The following CLVS1 variants were observed in gnomAD, a reference collection of about 807,000 sequenced individuals.
The protein encoded by CLVS1 is clavesin-1.
CLVS1 carries 10 observed loss-of-function variants against 33.1 expected under a neutral mutation model. The observed-to-expected ratio is 0.30, with a 90% CI of 0.19 to 0.51. The LOEUF (loss-of-function observed/expected upper bound fraction) is 0.51, where lower values mean the gene tolerates loss of function less well. CLVS1 is among the 20% of genes least tolerant of loss of function. The probability of loss-of-function intolerance (pLI) is 0.97; values close to 1 mark genes in which losing one functional copy is unlikely to be tolerated. For missense variants in CLVS1, 343 were observed against 433.4 expected (o/e 0.79, Z 1.85); for synonymous variants, 163 against 166.1 (o/e 0.98, Z 0.14).
intron 2 of CLVS1, among the ~76,000 whole-genome samples, chr8:61,161,731 A>G (rs942096278): frequency 2.0e-5 from 3 of 152,274 alleles, no homozygotes; most frequent in Admixed American, 2.0e-4. Context: ...GCATAGCATC[A>G]TGACTGTTGT....
At chr8:61,012,139 G>A in the CLVS1 span, among the ~76,000 whole-genome samples, 65 of 152,300 alleles carry the variant, frequency 4.3e-4, no homozygotes, top group Admixed American at 1.2e-3. Context: ...GAGCAAAGAT[G>A]TCCAGCTTTC....
At chr8:61,238,886 A>C (rs11985918) in intron 2 of CLVS1, among the ~76,000 whole-genome samples, 8,917 of 152,290 alleles carry the variant, frequency 0.059, 436 homozygotes, top group African/African-American at 0.13. Flanking sequence ...TATTTCTGTA[A>C]AGTAAACTCC....
Position 61,499,610 on chromosome 8 carries a change from C to A in CLVS1, c.*68C>A. ...GTATCAGCCACCCAGGAAGCACATG[C>A]ACAACTGACCCATGCAGACACGTGT... On this transcript the variant is annotated 3_prime_UTR_variant, in exon 6 of 6. Transcript: ENST00000325897. The A allele has an allele frequency of 1.8e-6, 2 of 1,120,156 alleles. No homozygotes were observed. The highest frequency in any genetic ancestry group is 2.7e-6 in the Non-Finnish European group (2 of 734,784). 69.4% of individuals were successfully genotyped at this position (1,120,156 alleles called of 1,614,324 possible).
In CLVS1 at chr8:61,246,721, G is replaced by A. The variant is rs952558139; in HGVS notation, c.-151-52956G>A. On this transcript the variant is annotated intron_variant, in intron 2 of 2. Transcript: ENST00000522621. ...TGGGTTGAAAACTCTTCCAGTTTTT[G>A]TTTGTCAGAAAATGTTTTCATTTTT... is the stretch of plus-strand genomic sequence containing the variant. Among the ~76,000 whole-genome samples, 37 of 151,908 alleles carry A rather than the reference G, an allele frequency of 2.4e-4. 1 individual carries two copies. The highest frequency in any genetic ancestry group is 2.4e-3 in the Admixed American group (37 of 15,228).
intron 2 of CLVS1, among the ~76,000 whole-genome samples, chr8:61,358,725 A>G (rs565357151): frequency 2.0e-5 from 3 of 152,338 alleles, no homozygotes; most frequent in African/African-American, 7.2e-5. Flanking sequence ...TTAGAGAAAG[A>G]GCAATAGAAT....
At chr8:61,218,579 A>T (rs1004673584) in intron 2 of CLVS1, among the ~76,000 whole-genome samples, 5 of 151,840 alleles carry the variant, frequency 3.3e-5, no homozygotes, top group African/African-American at 1.2e-4. Flanking sequence ...ACCACACATT[A>T]TATGTATTGA....
At chr8:61,119,017 G>T (rs930811007) in intron 1 of CLVS1, among the ~76,000 whole-genome samples, 1 of 152,170 alleles carries the variant, frequency 6.6e-6, no homozygotes, top group African/African-American at 2.4e-5. Flanking sequence ...AAGTCTCTTT[G>T]CAGATCACTC....
chr8:61,393,115 C>A (rs1814373842), intron 3 of CLVS1, among the ~76,000 whole-genome samples: 1 of 152,066 alleles, frequency 6.6e-6, no homozygotes. Flanking sequence ...CTCCTGGCCT[C>A]AGGTGATCTG....
intron 1 of CLVS1, among the ~76,000 whole-genome samples, chr8:61,070,678 C>T (rs1462589337): frequency 6.6e-6 from 1 of 152,258 alleles, no homozygotes. Context: ...CATCTCTACA[C>T]AAAATTAAAA....
intron 3 of CLVS1, among the ~76,000 whole-genome samples, chr8:61,423,780 G>A (rs866671315): frequency 6.6e-6 from 1 of 152,126 alleles, no homozygotes. Flanking sequence ...GGCCACCAAT[G>A]CACGCACACA....
intron 2 of CLVS1, among the ~76,000 whole-genome samples, chr8:61,150,975 G>A (rs1158589960): frequency 6.6e-6 from 1 of 152,190 alleles, no homozygotes; most frequent in East Asian, 1.9e-4. Context: ...AGAGAGCCAG[G>A]GACATTCTGG....
intron 2 of CLVS1, among the ~76,000 whole-genome samples, chr8:61,332,209 T>G (rs1811626700): frequency 6.6e-6 from 1 of 152,172 alleles, no homozygotes; most frequent in Non-Finnish European, 1.5e-5. Flanking sequence ...TAGACTTTCA[T>G]TTAGCTGGAT....
chr8:61,063,310 A>AGAGAGC (rs1585581099), intron 1 of CLVS1, among the ~76,000 whole-genome samples: 4 of 145,346 alleles, frequency 2.8e-5, no homozygotes, highest in African/African-American at 1.1e-4. Flanking sequence ...AGAGAGAGAG[A>AGAGAGC]ACAGTCATTT....
chr8:60,997,337 G>T, the CLVS1 span, among the ~76,000 whole-genome samples: 1 of 152,174 alleles, frequency 6.6e-6, no homozygotes, highest in Non-Finnish European at 1.5e-5. Context: ...TTAGCATCTA[G>T]AAATGACTGT....
chr8:61,196,666 G>T (rs992567286), intron 2 of CLVS1, among the ~76,000 whole-genome samples: 2 of 152,172 alleles, frequency 1.3e-5, no homozygotes, highest in African/African-American at 4.8e-5. Flanking sequence ...GTGTATGGTG[G>T]CTACAGTCAG....
At chr8:61,281,221 G>T (rs1240241178) in intron 2 of CLVS1, among the ~76,000 whole-genome samples, 1 of 152,206 alleles carries the variant, frequency 6.6e-6, no homozygotes. Flanking sequence ...TGAGAAGGAT[G>T]AGTGCAGGGC....
chr8:61,374,458 A>G (rs1280942412), intron 2 of CLVS1, among the ~76,000 whole-genome samples: 1 of 152,172 alleles, frequency 6.6e-6, no homozygotes, highest in African/African-American at 2.4e-5. Flanking sequence ...CCAATTGGGC[A>G]TTTCCATTTG....
chr8:61,417,248 A>G (rs1339065533), intron 3 of CLVS1, among the ~76,000 whole-genome samples: 1 of 152,208 alleles, frequency 6.6e-6, no homozygotes, highest in African/African-American at 2.4e-5. Flanking sequence ...TCAGCTTAAC[A>G]TTAAGAAAGC....
At chr8:61,242,869 T>G (rs923139859) in intron 2 of CLVS1, among the ~76,000 whole-genome samples, 1 of 152,192 alleles carries the variant, frequency 6.6e-6, no homozygotes. Context: ...TTTCTTTCAT[T>G]GTGAACATAT....
Sources: allele counts gnomAD v4.1 joint callset (sites outside exome capture counted in the v4.1 genomes callset), GRCh38; gene constraint gnomAD v4.1.1; transcripts MANE v1.5; gene names NCBI Gene and HGNC (gene_info 2026-07-23, HGNC 2026-07-21).